Variants in ZNF558 observed in about 807,000 individuals in gnomAD.
ZNF558 encodes the protein zinc finger protein 558.
Under a neutral mutation model 37.6 loss-of-function variants are expected in ZNF558, and 23 were observed. That is an observed-to-expected ratio of 0.61 (90% confidence interval 0.44 to 0.87). The LOEUF is 0.87. ZNF558 is among the 40% of genes least tolerant of loss of function. The pLI is 0.00. For missense variants in ZNF558, 429 were observed against 483.7 expected (o/e 0.89, Z 1.06); for synonymous variants, 189 against 174.4 (o/e 1.08, Z -0.66).
At chr19:8,832,401 C>G (rs1486414919), upstream of ZNF558, 1 of 152,932 alleles carries the variant, frequency 6.5e-6, no homozygotes, top group Non-Finnish European at 1.5e-5. Context: ...GTTGGGGGTT[C>G]GGCGCTTAGG....
chr19:8,834,604 CAAAAAAAAAAAACAAACCAAAACCAAAA>C, upstream of ZNF558, among the ~76,000 whole-genome samples: 1 of 88,592 alleles, frequency 1.1e-5, no homozygotes, highest in East Asian at 3.0e-4. Flanking sequence ...GAGACTCCAT[CAAAAAAAAAAAACAAACCAAAACCAAAA>C]AAAAACAAAA....
At chr19:8,832,558 GC>G (rs1253268313), upstream of ZNF558, 1 of 153,162 alleles carries the variant, frequency 6.5e-6, no homozygotes, top group Non-Finnish European at 1.5e-5. Context: ...CAGGCTGTGA[GC>G]CGCACGAGGC....
rs1599245465 is a variant in ZNF558, at chr19:8,810,426, T to C, written c.*855A>G. The stretch of plus-strand genomic sequence containing the variant: ...AGGTTTTCTCCCTTAGTGTGAGCTG[T>C]CACATGAATCCCTGCTGATAGCACT... On this transcript the variant is annotated 3_prime_UTR_variant, in exon 10 of 10. Coordinates refer to ENST00000601372, the MANE Select transcript of ZNF558 (RefSeq NM_144693.3). The C allele has an allele frequency of 5.3e-5, 8 of 152,328 alleles. 1 individual carries two copies. The highest frequency in any genetic ancestry group is 1.3e-4 in the Admixed American group (2 of 15,302). 9.4% of individuals were successfully genotyped at this position (152,328 alleles called of 1,614,324 possible).
rs1452858910 is a variant in ZNF558 at position 8,810,579 on chromosome 19, G to C, written c.*702C>G. ...TGTCCTCAAAAGGTTTCTCTTCAGA[G>C]TGAATTAATAGGAGTTACTGAATGC... On this transcript the variant is annotated 3_prime_UTR_variant, in exon 10 of 10. Coordinates refer to ENST00000601372, the MANE Select transcript of ZNF558 (RefSeq NM_144693.3). 6.6e-6 allele frequency: 1 copy of C among 152,214 alleles called. No individual in the cohort carries two copies. The highest frequency in any genetic ancestry group is 2.4e-5 in the African/African-American group (1 of 41,458). The allele number at this position is 152,214 out of a possible 1,614,324, so 9.4% of individuals were successfully genotyped here. A position where few individuals can be genotyped will look rare whatever the true frequency, so the allele number is the denominator to read the frequency against.
At position 8,806,752 on chromosome 19, in the gene ZNF558, T is replaced by C. The variant is rs1480238607; in HGVS notation, c.*4529A>G. Reference sequence around the variant, plus strand: ...TTGGAAAACATTGTTGCCTTCAGTTTTGAAGAATATTTTCTTAGGTTACAG... The same window carrying C: ...TTGGAAAACATTGTTGCCTTCAGTTCTGAAGAATATTTTCTTAGGTTACAG... On this transcript the variant is annotated 3_prime_UTR_variant, in exon 10 of 10. Coordinates refer to ENST00000601372, the MANE Select transcript of ZNF558 (RefSeq NM_144693.3). The C allele has an allele frequency of 6.6e-6, 1 of 152,168 alleles. No individual in the cohort carries two copies. Among genetic ancestry groups the C allele is most frequent in the Non-Finnish European group, 1.5e-5 (1 of 68,040 alleles). The allele number at this position is 152,168 out of a possible 1,614,324, so 9.4% of individuals were successfully genotyped here. A position where few individuals can be genotyped will look rare whatever the true frequency, so the allele number is the denominator to read the frequency against.
intron 7 of ZNF558, 41 bp from the exon 8 acceptor site, chr19:8,813,263 TG>T (rs782646264): frequency 4.3e-5 from 65 of 1,495,762 alleles, no homozygotes; most frequent in Non-Finnish European, 5.2e-5. Flanking sequence ...GTAACAGTGC[TG>T]GGGACAACCA....
upstream of ZNF558, chr19:8,832,553 T>C (rs2044388783): frequency 1.3e-5 from 2 of 151,532 alleles, no homozygotes; most frequent in Admixed American, 1.3e-4. Flanking sequence ...GGGGCCAGGC[T>C]GTGAGCCGCA....
At chr19:8,817,887 G>A (rs1006421505) in intron 7 of ZNF558, among the ~76,000 whole-genome samples, 5 of 152,056 alleles carry the variant, frequency 3.3e-5, no homozygotes, top group African/African-American at 7.2e-5. Flanking sequence ...TATAATAATC[G>A]TTTGAGACTT....
In ZNF558 at chr19:8,808,701, G is replaced by C. The variant is rs1192133826; in HGVS notation, c.*2580C>G. ...ACCAGTTAGATTCTGCATCCTGCTG[G>C]AAGTTAACAGAACACCACCTCAAAA... On this transcript the variant is annotated 3_prime_UTR_variant, in exon 10 of 10. Transcript: ENST00000601372. The C allele has an allele frequency of 6.6e-6, 1 of 152,194 alleles. No homozygotes were observed. The highest frequency in any genetic ancestry group is 1.5e-5 in the Non-Finnish European group (1 of 68,040). The allele number at this position is 152,194 out of a possible 1,614,324, so 9.4% of individuals were successfully genotyped here.
In ZNF558 at chr19:8,808,404, T is replaced by C. The variant is rs1367592607; in HGVS notation, c.*2877A>G. On this transcript the variant is annotated 3_prime_UTR_variant, in exon 10 of 10. Coordinates refer to ENST00000601372, the MANE Select transcript of ZNF558 (RefSeq NM_144693.3). ...AATATCATCTCCACATAAAAAGGAA[T>C]ACAGAATACCTAATCCTGTATGCAT... 6 of 38,488 alleles carry C rather than the reference T, an allele frequency of 1.6e-4. No homozygotes were observed. In the African/African-American group the frequency reaches 1.7e-3, roughly 11 times the overall value. The allele number at this position is 38,488 out of a possible 1,614,324, so 2.4% of individuals were successfully genotyped here.
upstream of ZNF558, among the ~76,000 whole-genome samples, chr19:8,834,258 T>G (rs2044428390): frequency 6.6e-6 from 1 of 152,140 alleles, no homozygotes; most frequent in African/African-American, 2.4e-5. Flanking sequence ...AAGTTCACTG[T>G]GGAAAGACTG....
chr19:8,807,993 A>C lies in ZNF558; in HGVS notation c.*3288T>G, dbSNP rs2043716795. 6.6e-6 allele frequency: 1 copy of C among 152,224 alleles called. No individual in the cohort carries two copies. Among genetic ancestry groups the C allele is most frequent in the Non-Finnish European group, 1.5e-5 (1 of 68,050 alleles). The allele number at this position is 152,224 out of a possible 1,614,324, so 9.4% of individuals were successfully genotyped here. The stretch of plus-strand genomic sequence containing the variant: ...TTCTCATCTGTAAACTGGGGATAAT[A>C]ACATTACATACTTAAGTTTATAATG... On this transcript the variant is annotated 3_prime_UTR_variant, in exon 10 of 10. Transcript: ENST00000601372.
rs184444880 is a variant in ZNF558, at chr19:8,829,070, G to A, written c.-509+2248C>T. 8.3e-4 allele frequency among the ~76,000 whole-genome samples: 126 copies of A among 151,712 alleles called. 1 individual carries two copies. Among genetic ancestry groups the A allele is most frequent in the African/African-American group, 2.6e-3 (106 of 41,350 alleles). ...CGAAGTCAGGAGATTAAGACCAGCC[G>A]GGCCAACATGGTGAAACCCCGTCTC... On this transcript the variant is annotated intron_variant, in intron 2 of 9. Transcript: ENST00000601372.
rs2043703288 is a variant in ZNF558 at position 8,806,276 on chromosome 19, T to G, written c.*5005A>C. On this transcript the variant is annotated 3_prime_UTR_variant, in exon 10 of 10. Coordinates refer to ENST00000601372, the MANE Select transcript of ZNF558 (RefSeq NM_144693.3). Reference sequence around the variant, plus strand: ...GTACTGATTTATATTTACTTGCATCTTATGTTTCCTGTTGATCTTAATTCC... The same window carrying G: ...GTACTGATTTATATTTACTTGCATCGTATGTTTCCTGTTGATCTTAATTCC... 1 of 152,212 alleles carries G rather than the reference T, an allele frequency of 6.6e-6. No individual in the cohort carries two copies. Among genetic ancestry groups the G allele is most frequent in the Non-Finnish European group, 1.5e-5 (1 of 68,026 alleles). The allele number at this position is 152,212 out of a possible 1,614,324, so 9.4% of individuals were successfully genotyped here.
intron 2 of ZNF558, among the ~76,000 whole-genome samples, chr19:8,827,020 A>G (rs1473141623): frequency 6.6e-6 from 1 of 152,158 alleles, no homozygotes; most frequent in Non-Finnish European, 1.5e-5. Context: ...GCCTCCAGCC[A>G]GCTCACTGGG....
chr19:8,821,491 G>A (rs914651137), intron 6 of ZNF558, 185 bp from the exon 7 acceptor site: 21 of 1,453,716 alleles, frequency 1.4e-5, no homozygotes, highest in South Asian at 2.9e-5. Context: ...CCTCTCCTGG[G>A]GTTCTGAGCT....
intron 6 of ZNF558, 173 bp from the exon 7 acceptor site, chr19:8,821,479 C>G: frequency 6.8e-7 from 1 of 1,473,564 alleles, no homozygotes. Context: ...GGGTTCTGAG[C>G]TCCTCTCCTG....
At chr19:8,815,638 T>A (rs557773015) in intron 7 of ZNF558, among the ~76,000 whole-genome samples, 143 of 151,930 alleles carry the variant, frequency 9.4e-4, no homozygotes, top group Non-Finnish European at 1.8e-3. Flanking sequence ...AAAAATTAGC[T>A]GGGCATGGTG....
At chr19:8,821,421 G>A (rs550591109) in intron 6 of ZNF558, 115 bp from the exon 7 acceptor site, 10 of 1,593,456 alleles carry the variant, frequency 6.3e-6, no homozygotes, top group South Asian at 1.1e-5. Context: ...GAGATGTTGG[G>A]GGGGGTGGTT....
Sources: allele counts gnomAD v4.1 joint callset (sites outside exome capture counted in the v4.1 genomes callset), GRCh38; gene constraint gnomAD v4.1.1; transcripts MANE v1.5; gene names NCBI Gene and HGNC (gene_info 2026-07-23, HGNC 2026-07-21).